LRP2: variants seen among roughly 807,000 people sequenced by gnomAD.
LRP2 encodes LDL receptor related protein 2.
LRP2 carries 172 observed loss-of-function variants against 531.0 expected under a neutral mutation model. The observed-to-expected ratio is 0.32, with a 90% CI of 0.29 to 0.37. The LOEUF is 0.37. Ranked by LOEUF, LRP2 falls within the 10% of genes least tolerant of loss-of-function variation. The probability of loss-of-function intolerance (pLI) is 1.00; values close to 1 mark genes in which losing one functional copy is unlikely to be tolerated. For synonymous variants in LRP2, 1,992 were observed against 2,027.6 expected, an observed-to-expected ratio of 0.98 and a Z score of 0.47; for missense variants, 5,167 against 5,868.3, an observed-to-expected ratio of 0.88 and a Z score of 3.90.
At chr2:169,309,930 G>T (rs938968138) in intron 3 of LRP2, among the ~76,000 whole-genome samples, 11 of 152,176 alleles carry the variant, frequency 7.2e-5, no homozygotes, top group African/African-American at 2.6e-4. Context: ...CCTTGAAGAG[G>T]TCCTTCACAT....
intron 44 of LRP2, among the ~76,000 whole-genome samples, chr2:169,200,312 G>C (rs1228651867): frequency 1.3e-5 from 2 of 152,080 alleles, no homozygotes; most frequent in African/African-American, 2.4e-5. Context: ...CCATTGAAAA[G>C]GACTAGAAGC....
chr2:169,179,869 C>A (rs907000380), intron 52 of LRP2, among the ~76,000 whole-genome samples: 4 of 132,342 alleles, frequency 3.0e-5, no homozygotes, highest in African/African-American at 1.0e-4. Context: ...GGCATTGCTA[C>A]CTCTCCAAGA....
intron 1 of LRP2, among the ~76,000 whole-genome samples, chr2:169,344,523 T>A (rs963378690): frequency 1.3e-5 from 2 of 152,242 alleles, no homozygotes; most frequent in Non-Finnish European, 2.9e-5. Context: ...GTATTTTTAA[T>A]GCAATCAAGC....
chr2:169,269,322 C>A (rs1167353174), intron 16 of LRP2, among the ~76,000 whole-genome samples: 1 of 152,136 alleles, frequency 6.6e-6, no homozygotes, highest in Non-Finnish European at 1.5e-5. Context: ...AAGAACAAAG[C>A]TGAAGGCATC....
chr2:169,217,349 C>A (rs1023496806), intron 34 of LRP2, among the ~76,000 whole-genome samples: 2 of 152,104 alleles, frequency 1.3e-5, no homozygotes, highest in Admixed American at 1.3e-4. Context: ...CTAAACTTCT[C>A]CGCCTCTAAG....
At chr2:169,343,667 A>T (rs967168499) in intron 1 of LRP2, among the ~76,000 whole-genome samples, 1 of 152,200 alleles carries the variant, frequency 6.6e-6, no homozygotes, top group Non-Finnish European at 1.5e-5. Flanking sequence ...GTCGAGCTAA[A>T]TCTCTGAGCT....
chr2:169,349,667 T>C (rs1239748104), intron 1 of LRP2, among the ~76,000 whole-genome samples: 1 of 152,182 alleles, frequency 6.6e-6, no homozygotes, highest in Non-Finnish European at 1.5e-5. Context: ...CCCAAGGTCG[T>C]GTCCTTCCAG....
intron 63 of LRP2, among the ~76,000 whole-genome samples, chr2:169,160,042 C>A (rs184731217): frequency 6.6e-6 from 1 of 152,260 alleles, no homozygotes; most frequent in Admixed American, 6.5e-5. Context: ...CTGATTTCCC[C>A]AAACCCAAAC....
At chr2:169,310,774 T>C (rs1032785790) in intron 3 of LRP2, among the ~76,000 whole-genome samples, 4 of 152,226 alleles carry the variant, frequency 2.6e-5, no homozygotes, top group Admixed American at 1.3e-4. Context: ...TCAGAAGGAA[T>C]GGTACCAGCT....
At chr2:169,300,451 A>C (rs750864423) in intron 4 of LRP2, among the ~76,000 whole-genome samples, 5 of 152,114 alleles carry the variant, frequency 3.3e-5, no homozygotes, top group Non-Finnish European at 7.4e-5. Flanking sequence ...AAGGACAATC[A>C]GTTGGATATA....
chr2:169,308,476 G>C (rs1215075027), intron 3 of LRP2, among the ~76,000 whole-genome samples: 7 of 152,116 alleles, frequency 4.6e-5, no homozygotes, highest in Non-Finnish European at 1.0e-4. Flanking sequence ...TGCGGTGTTT[G>C]GTTTTCTGTC....
At chr2:169,166,487 T>C (rs774160731) in intron 61 of LRP2, among the ~76,000 whole-genome samples, 3 of 152,086 alleles carry the variant, frequency 2.0e-5, no homozygotes, top group Non-Finnish European at 2.9e-5. Flanking sequence ...TGGAGCACAA[T>C]GGTGGCTGTG....
intron 34 of LRP2, 71 bp from the exon 35 acceptor site, chr2:169,216,501 T>A (rs954134653): frequency 7.0e-7 from 1 of 1,430,076 alleles, no homozygotes; most frequent in Non-Finnish European, 9.8e-7. Flanking sequence ...TAAATGACAA[T>A]GTGTATTACT....
intron 1 of LRP2, among the ~76,000 whole-genome samples, chr2:169,355,925 C>A (rs10192423): frequency 0.015 from 2,310 of 152,312 alleles, 60 homozygotes; most frequent in African/African-American, 0.053. Flanking sequence ...GGGTCTCACT[C>A]TGTCGCTGAG....
intron 9 of LRP2, among the ~76,000 whole-genome samples, chr2:169,283,550 A>C (rs1024805519): frequency 2.0e-5 from 3 of 152,220 alleles, no homozygotes; most frequent in Non-Finnish European, 4.4e-5. Context: ...ACTATTTCTG[A>C]ATAAAGTAAG....
At chr2:169,211,765 A>C (rs188087943) in intron 37 of LRP2, among the ~76,000 whole-genome samples, 27 of 152,290 alleles carry the variant, frequency 1.8e-4, no homozygotes, top group Middle Eastern at 3.4e-3. Context: ...CGAGGTCTGG[A>C]GCTGTGTTGG....
chr2:169,212,220 A>T lies in LRP2; in HGVS notation c.6041-13T>A. 3 of 1,613,950 alleles carry T rather than the reference A, an allele frequency of 1.9e-6. No homozygotes were observed. The highest frequency in any genetic ancestry group is 2.5e-6 in the Non-Finnish European group (3 of 1,179,850). ...GATTCGGCGGCATCTAAATGAAAACAAAATCCATTTGTAACTTTTGATCCT... is the reference window on the plus strand; with the variant it reads ...GATTCGGCGGCATCTAAATGAAAACTAAATCCATTTGTAACTTTTGATCCT... On this transcript the variant is annotated splice_polypyrimidine_tract_variant and intron_variant, in intron 36 of 78. Transcript: ENST00000649046.
rs1446711670 is a variant in LRP2, at chr2:169,247,384, G to C, written c.2902C>G (p.Gln968Glu). 1 of 1,614,108 alleles carries C rather than the reference G, an allele frequency of 6.2e-7. No individual in the cohort carries two copies. The highest frequency in any genetic ancestry group is 8.5e-7 in the Non-Finnish European group (1 of 1,180,020). The part of the protein sequence containing the change: ...LHLKSYDVNI[Q>E]TGSNACNQPT... Reference sequence around the variant, plus strand: ...ACTGGGCAATCTCACTCACCAGTCTGGATGTTGACATCATACGATTTCAAA... The same window carrying C: ...ACTGGGCAATCTCACTCACCAGTCTCGATGTTGACATCATACGATTTCAAA... The change falls in exon 20 of 79, where the codon CAG becomes GAG. Residue 968 changes from glutamine (Q) to glutamate (E), a missense_variant. Physicochemically the swap from Gln to Glu is conservative, Grantham distance 29. Coordinates refer to ENST00000649046, the MANE Select transcript of LRP2 (RefSeq NM_004525.3).
chr2:169,205,395 C>G, intron 41 of LRP2, 84 bp downstream of exon 41: 3 of 1,455,984 alleles, frequency 2.1e-6, no homozygotes, highest in Non-Finnish European at 2.9e-6. Flanking sequence ...GCTATATTTT[C>G]ATCACATGAT....
Sources: allele counts gnomAD v4.1 joint callset (sites outside exome capture counted in the v4.1 genomes callset), GRCh38; gene constraint gnomAD v4.1.1; transcripts MANE v1.5; gene names NCBI Gene and HGNC (gene_info 2026-07-23, HGNC 2026-07-21).